NDRG3: variants seen among roughly 807,000 people sequenced by gnomAD.
The protein encoded by NDRG3 is protein NDRG3.
Under a neutral mutation model 57.2 loss-of-function variants are expected in NDRG3, and 23 were observed. The ratio of observed to expected loss-of-function variants is 0.40; its 90% confidence interval spans 0.29 to 0.57. NDRG3 has a LOEUF of 0.57. Among genes scored for constraint, NDRG3 ranks in the 20% least tolerant of loss-of-function variants. The pLI is 0.42. For missense variants in NDRG3, 384 were observed against 457.3 expected (o/e 0.84, Z 1.46); for synonymous variants, 132 against 162.6 (o/e 0.81, Z 1.43).
intron 5 of NDRG3, among the ~76,000 whole-genome samples, chr20:36,687,151 G>A (rs994284165): frequency 1.3e-5 from 2 of 151,982 alleles, no homozygotes; most frequent in African/African-American, 2.4e-5. Flanking sequence ...GAGTCACCAC[G>A]TCTCGCTAAA....
chr20:36,653,242 TG>T lies in NDRG3; in HGVS notation c.*277del. 3.0e-6 allele frequency: 1 copy of T among 328,138 alleles called. No individual in the cohort carries two copies. The highest frequency in any genetic ancestry group is 2.1e-5 in the African/African-American group (1 of 47,842). 20.3% of individuals were successfully genotyped at this position (328,138 alleles called of 1,614,324 possible). ...CAAAGAATCTTATCTGATACATAGTTGGGGGAGCACGGGAAAAAGCTGGCAA... is the reference window on the plus strand; with the variant it reads ...CAAAGAATCTTATCTGATACATAGTTGGGGAGCACGGGAAAAAGCTGGCAA... On this transcript the variant is annotated 3_prime_UTR_variant, in exon 16 of 16. Coordinates refer to ENST00000349004, the MANE Select transcript of NDRG3 (RefSeq NM_032013.4). This position sits in a 1 kb window ranked among gnomAD's most constrained non-coding sequence, Gnocchi z 4.2.
intron 13 of NDRG3, among the ~76,000 whole-genome samples, chr20:36,658,182 A>T (rs1978845114): frequency 6.6e-6 from 1 of 152,208 alleles, no homozygotes; most frequent in Non-Finnish European, 1.5e-5. Context: ...CCCAGGCTGG[A>T]GTGCAATGGT....
At chr20:36,662,303 C>T (rs1955646311) in intron 12 of NDRG3, among the ~76,000 whole-genome samples, 1 of 151,552 alleles carries the variant, frequency 6.6e-6, no homozygotes, top group Non-Finnish European at 1.5e-5. Context: ...TCTCAGCTCA[C>T]TGAAACCTCC....
At chr20:36,702,475 AAGC>A (rs1427243845) in intron 3 of NDRG3, among the ~76,000 whole-genome samples, 1 of 152,040 alleles carries the variant, frequency 6.6e-6, no homozygotes, top group Non-Finnish European at 1.5e-5. Flanking sequence ...TGTTTCCAAT[AAGC>A]AGGCTACTGT....
intron 1 of NDRG3, among the ~76,000 whole-genome samples, chr20:36,737,299 G>A (rs768519103): frequency 2.0e-5 from 3 of 152,024 alleles, no homozygotes; most frequent in Non-Finnish European, 4.4e-5. Context: ...AGGCAACTCA[G>A]GACACGAGGA....
At chr20:36,676,827 C>T (rs958042074) in intron 8 of NDRG3, among the ~76,000 whole-genome samples, 1 of 152,240 alleles carries the variant, frequency 6.6e-6, no homozygotes, top group Non-Finnish European at 1.5e-5. Flanking sequence ...GCTGCCATCA[C>T]GCTGTGTGGC....
intron 3 of NDRG3, among the ~76,000 whole-genome samples, chr20:36,705,056 A>G (rs1445328769): frequency 6.6e-6 from 1 of 151,976 alleles, no homozygotes; most frequent in Non-Finnish European, 1.5e-5. Context: ...GTGGTGGCTC[A>G]TGCCTGTAAT....
intron 5 of NDRG3, among the ~76,000 whole-genome samples, chr20:36,687,047 C>T (rs977425643): frequency 4.3e-4 from 65 of 151,934 alleles, no homozygotes; most frequent in African/African-American, 1.5e-3. Context: ...TTTGTAGAGA[C>T]AAGGTATTCC....
chr20:36,656,538 A>G lies in NDRG3; in HGVS notation c.859-6T>C. 1 of 1,614,022 alleles carries G rather than the reference A, an allele frequency of 6.2e-7. No individual in the cohort carries two copies. The highest frequency in any genetic ancestry group is 8.5e-7 in the Non-Finnish European group (1 of 1,179,900). On this transcript the variant is annotated splice_region_variant and splice_polypyrimidine_tract_variant and intron_variant, in intron 13 of 15. Transcript: ENST00000349004. Reference sequence around the variant, plus strand: ...AGTCCCCCACAGTCCGCCATCTAGAAAAGGAAAAATATGCAAGTCAGCTGG... The same window carrying G: ...AGTCCCCCACAGTCCGCCATCTAGAGAAGGAAAAATATGCAAGTCAGCTGG...
intron 2 of NDRG3, among the ~76,000 whole-genome samples, chr20:36,717,544 T>C (rs1200925436): frequency 6.6e-6 from 1 of 152,242 alleles, no homozygotes; most frequent in Non-Finnish European, 1.5e-5. Flanking sequence ...GGAAAGACTT[T>C]GGTTTCTGTC....
At chr20:36,708,985 C>G (rs1983715727) in intron 2 of NDRG3, among the ~76,000 whole-genome samples, 1 of 152,154 alleles carries the variant, frequency 6.6e-6, no homozygotes, top group Non-Finnish European at 1.5e-5. Flanking sequence ...TTGCAGTGAG[C>G]TGAGATCATG....
Position 36,692,596 on chromosome 20 carries a change from G to A in NDRG3, c.94-3812C>T, listed in dbSNP as rs979739038. Among the ~76,000 whole-genome samples the A allele has an allele frequency of 3.3e-5, 5 of 152,236 alleles. No homozygotes were observed. In the South Asian group the frequency reaches 1.0e-3, roughly 32 times the overall value. On this transcript the variant is annotated intron_variant, in intron 3 of 15. Transcript: ENST00000349004. ...CAGGAGAATACTTTGGTAATTTCTA[G>A]TAAAGTTAAGAGGTGTCTACCCTAC...
At chr20:36,669,818 A>T (rs978629713) in intron 9 of NDRG3, among the ~76,000 whole-genome samples, 1 of 151,414 alleles carries the variant, frequency 6.6e-6, no homozygotes, top group Non-Finnish European at 1.5e-5. Context: ...TGCTGGTCTC[A>T]AACACCTGAC....
At chr20:36,661,488 A>G (rs562812942) in intron 12 of NDRG3, among the ~76,000 whole-genome samples, 2 of 152,348 alleles carry the variant, frequency 1.3e-5, no homozygotes, top group Admixed American at 1.3e-4. Flanking sequence ...AAGCAAAATG[A>G]AACCACTGCA....
chr20:36,717,781 C>A (rs1034909386), intron 2 of NDRG3, among the ~76,000 whole-genome samples: 1 of 152,208 alleles, frequency 6.6e-6, no homozygotes, highest in African/African-American at 2.4e-5. Flanking sequence ...TTCCTCTATA[C>A]CAGTGGTTCT....
intron 6 of NDRG3, among the ~76,000 whole-genome samples, 196 bp from the exon 7 acceptor site, chr20:36,682,774 G>A (rs772310095): frequency 1.3e-5 from 2 of 152,214 alleles, no homozygotes; most frequent in Non-Finnish European, 2.9e-5. Flanking sequence ...GATCTCAGCT[G>A]GGCGCAGTGG....
At position 36,687,475 on chromosome 20, in the gene NDRG3, T is replaced by C; in HGVS notation, c.320+17A>G. The C allele has an allele frequency of 1.2e-6, 2 of 1,611,044 alleles. No individual in the cohort carries two copies. Among genetic ancestry groups the C allele is most frequent in the Non-Finnish European group, 1.7e-6 (2 of 1,179,186 alleles). ...TACTGAGTGCACGTCTCCCAGATGA[T>C]CTTTTCGTGGCCTTACCCTGTTGGG... On this transcript the variant is annotated intron_variant, in intron 5 of 15. Transcript: ENST00000349004.
At chr20:36,669,704 G>A (rs1055481409) in intron 9 of NDRG3, among the ~76,000 whole-genome samples, 1 of 151,304 alleles carries the variant, frequency 6.6e-6, no homozygotes, top group Non-Finnish European at 1.5e-5. Flanking sequence ...CCACTATGGC[G>A]GACCTGCCTC....
chr20:36,661,418 A>AAC (rs2148031640), intron 12 of NDRG3, among the ~76,000 whole-genome samples: 2 of 152,366 alleles, frequency 1.3e-5, no homozygotes, highest in South Asian at 4.1e-4. Context: ...GTTTGCTAAG[A>AAC]ACACACATAC....
Sources: gnomAD v4.1 joint callset for allele counts (sites outside exome capture counted in the v4.1 genomes callset) on GRCh38, gnomAD v4.1.1 for gene constraint, Gnocchi (gnomAD v3.1) non-coding constraint, MANE v1.5 for transcripts, NCBI Gene and HGNC (gene_info 2026-07-23, HGNC 2026-07-21) for gene names.